RDM1: variants seen among roughly 807,000 people sequenced by gnomAD.
RDM1 encodes the protein RAD52 motif containing 1.
RDM1 carries 28 observed loss-of-function variants against 27.7 expected under a neutral mutation model. The ratio of observed to expected loss-of-function variants is 1.01; its 90% CI spans 0.75 to 1.39. The LOEUF (loss-of-function observed/expected upper bound fraction) is 1.39. Among genes scored for constraint, RDM1 ranks in the 40% most tolerant of loss-of-function variants. The pLI is 0.00. For missense variants in RDM1, 277 were observed against 337.3 expected (o/e 0.82, Z 1.40); for synonymous variants, 124 against 127.5 (o/e 0.97, Z 0.19).
At chr17:35,921,284 A>G (rs1382382339) in intron 5 of RDM1, among the ~76,000 whole-genome samples, 1 of 152,250 alleles carries the variant, frequency 6.6e-6, no homozygotes, top group African/African-American at 2.4e-5. Context: ...TGACCAAGGA[A>G]GTAAGACTTT....
rs967440795 is a variant in RDM1 at position 35,928,750 on chromosome 17, G to A, written c.276+1326C>T. 9.3e-4 allele frequency among the ~76,000 whole-genome samples: 135 copies of A among 145,462 alleles called. 1 individual carries two copies. Among genetic ancestry groups the A allele is most frequent in the African/African-American group, 2.7e-3 (106 of 39,166 alleles). ...GCACTCCAGCCTGGGCAACAAGAGCGAAACTCTGTCTTTAAAAAAAAAAAA... is the reference window on the plus strand; with the variant it reads ...GCACTCCAGCCTGGGCAACAAGAGCAAAACTCTGTCTTTAAAAAAAAAAAA... On this transcript the variant is annotated intron_variant, in intron 2 of 6. Coordinates refer to ENST00000620284, the MANE Select transcript of RDM1 (RefSeq NM_145654.4).
intron 2 of RDM1, among the ~76,000 whole-genome samples, chr17:35,929,863 C>T (rs375222392): frequency 3.3e-5 from 5 of 152,166 alleles, no homozygotes; most frequent in African/African-American, 1.2e-4. Context: ...AGTTCAATCT[C>T]GAGTTTCCAT....
intron 3 of RDM1, among the ~76,000 whole-genome samples, 171 bp downstream of exon 3, chr17:35,925,344 G>A (rs548895614): frequency 6.6e-6 from 1 of 152,280 alleles, no homozygotes; most frequent in African/African-American, 2.4e-5. Context: ...CCAATTGACT[G>A]AGATTATTAA....
At position 35,925,616 on chromosome 17, in the gene RDM1, T is replaced by G. The variant is rs1284147772; in HGVS notation, c.298A>C (p.Lys100Gln). Residue 100 changes from lysine to glutamine, a missense_variant, in exon 3 of 7, where the codon AAG (lysine) becomes CAG (glutamine). Coordinates refer to ENST00000620284, the MANE Select transcript of RDM1 (RefSeq NM_145654.4). ...GCAAGGGCTTGATGTTGAACTGCCTTATGTCTGGTGCCAAGACGAACCTAA... is the reference window on the plus strand; with the variant it reads ...GCAAGGGCTTGATGTTGAACTGCCTGATGTCTGGTGCCAAGACGAACCTAA... ...PVKVRLGTRH[K>Q]AVQHQALALN... 6.2e-7 allele frequency: 1 copy of G among 1,613,568 alleles called. No homozygotes were observed. The highest frequency in any genetic ancestry group is 1.3e-5 in the African/African-American group (1 of 75,058).
In RDM1 at chr17:35,930,741, C is replaced by T. The variant is rs200538664; in HGVS notation, c.-14G>A. The T allele has an allele frequency of 1.2e-6, 2 of 1,611,858 alleles. No homozygotes were observed. The highest frequency in any genetic ancestry group is 8.5e-7 in the Non-Finnish European group (1 of 1,179,060). ...CAACTCCGCCATCCTCCCTTCACCG[C>T]ACCTGCGCGGCTAACCCTCGCCCCA... is the stretch of plus-strand genomic sequence containing the variant. On this transcript the variant is annotated 5_prime_UTR_variant, in exon 1 of 7. Transcript: ENST00000620284.
intron 2 of RDM1, among the ~76,000 whole-genome samples, chr17:35,926,418 T>C (rs2089150829): frequency 6.6e-6 from 1 of 152,186 alleles, no homozygotes; most frequent in African/African-American, 2.4e-5. Flanking sequence ...CTTTTTTTTT[T>C]TCTGAGACGG....
chr17:35,920,006 T>C (rs1246762390), intron 6 of RDM1, among the ~76,000 whole-genome samples, 181 bp downstream of exon 6: 3 of 152,160 alleles, frequency 2.0e-5, no homozygotes, highest in African/African-American at 7.2e-5. Flanking sequence ...AAACTTCAAA[T>C]AAGCGGTCAG....
chr17:35,926,967 G>A (rs1227726427), intron 2 of RDM1, among the ~76,000 whole-genome samples: 1 of 151,970 alleles, frequency 6.6e-6, no homozygotes, highest in Non-Finnish European at 1.5e-5. Flanking sequence ...TAAACGTTGA[G>A]TGCCACTGGC....
chr17:35,927,362 C>T (rs1341720140), intron 2 of RDM1, among the ~76,000 whole-genome samples: 6 of 152,022 alleles, frequency 3.9e-5, no homozygotes, highest in Admixed American at 2.0e-4. Flanking sequence ...ATCAATTAAA[C>T]CCGGGAGGCA....
In RDM1 at chr17:35,918,146, C is replaced by T; in HGVS notation, c.*196G>A. 1.7e-6 allele frequency: 1 copy of T among 596,544 alleles called. No individual in the cohort carries two copies. The highest frequency in any genetic ancestry group is 3.0e-6 in the Non-Finnish European group (1 of 334,052). 37.0% of individuals were successfully genotyped at this position (596,544 alleles called of 1,614,324 possible). The stretch of plus-strand genomic sequence containing the variant: ...TCCTCGTCACCAGGGCGATCTTATC[C>T]CACAATCCTACCCAAGCCTCCCTTC... On this transcript the variant is annotated 3_prime_UTR_variant, in exon 7 of 7. Coordinates refer to ENST00000620284, the MANE Select transcript of RDM1 (RefSeq NM_145654.4).
rs748971406 is a variant in RDM1, at chr17:35,924,619, C to CCATAG, written c.548_552dup (p.Asp185LeufsTer14). 1.2e-5 allele frequency: 20 copies of CCATAG among 1,613,708 alleles called. No individual in the cohort carries two copies. In the African/African-American group the frequency reaches 2.1e-4, roughly 17 times the overall value. ...GAAAACAGACCTTCCTCCACCTTAT[C>CCATAG]CATAGGCTCCTCCACCAAGCCAATG... On this transcript the variant is annotated frameshift_variant, in exon 4 of 7. Transcript: ENST00000620284. LOFTEE classifies it high-confidence loss of function.
rs1439492568 is a variant in RDM1 at position 35,924,594 on chromosome 17, GAA to G, written c.568+8_568+9del. The stretch of plus-strand genomic sequence containing the variant: ...ATCCCTACCCTCCTCCACTCCCAGT[GAA>G]AACAGACCTTCCTCCACCTTATCCA... On this transcript the variant is annotated splice_region_variant and intron_variant, in intron 4 of 6. Coordinates refer to ENST00000620284, the MANE Select transcript of RDM1 (RefSeq NM_145654.4). The G allele has an allele frequency of 3.7e-6, 6 of 1,605,816 alleles. No individual in the cohort carries two copies. The highest frequency in any genetic ancestry group is 5.1e-6 in the Non-Finnish European group (6 of 1,174,152).
chr17:35,922,719 T>C, intron 4 of RDM1, 44 bp from the exon 5 acceptor site: 1 of 1,436,316 alleles, frequency 7.0e-7, no homozygotes, highest in East Asian at 2.3e-5. Context: ...CCTATTTGAA[T>C]GATAATTGCT....
chr17:35,924,127 A>C (rs2089049746), intron 4 of RDM1, among the ~76,000 whole-genome samples: 1 of 152,082 alleles, frequency 6.6e-6, no homozygotes, highest in African/African-American at 2.4e-5. Context: ...AGGCTGAGGC[A>C]GGAGGATCCC....
rs893886868 is a variant in RDM1 at position 35,918,431 on chromosome 17, G to C, written c.766C>G (p.Pro256Ala). The C allele has an allele frequency of 8.7e-6, 14 of 1,613,964 alleles. No individual in the cohort carries two copies. Among genetic ancestry groups the C allele is most frequent in the Non-Finnish European group, 1.2e-5 (14 of 1,179,974 alleles). Residue 256 changes from proline to alanine, a missense_variant, in exon 7 of 7, where the codon CCC becomes GCC. Physicochemically the swap from Pro to Ala is conservative, Grantham distance 27 (BLOSUM62 -1). Transcript: ENST00000620284. ...TCCTCTTGGCCATACTGCTTCCAGG[G>C]AGAGCAAGGGACCTGCAAAATGTGC... The part of the protein sequence containing the change: ...LHGLIQVPCS[P>A]WKQYGQEEEG...
In RDM1 at chr17:35,924,666, G is replaced by C; in HGVS notation, c.506C>G (p.Ser169Cys). 1 of 1,614,090 alleles carries C rather than the reference G, an allele frequency of 6.2e-7. No homozygotes were observed. Among genetic ancestry groups the C allele is most frequent in the Non-Finnish European group, 8.5e-7 (1 of 1,179,992 alleles). ...FFCALEVVLP[S>C]CDCRSPGIGL... ...AATGCCAGGACTCCTGCAATCACAG[G>C]ATGGCAACACCACTTCTAAAGCACA... Residue 169 changes from serine to cysteine, a missense_variant, in exon 4 of 7, where the codon TCC (serine) becomes TGC (cysteine). By Grantham distance (112) the Ser-to-Cys change is moderately radical. Coordinates refer to ENST00000620284, the MANE Select transcript of RDM1 (RefSeq NM_145654.4).
chr17:35,930,183 C>T lies in RDM1; in HGVS notation c.169G>A (p.Ala57Thr). 6.2e-7 allele frequency: 1 copy of T among 1,614,124 alleles called. No individual in the cohort carries two copies. Among genetic ancestry groups the T allele is most frequent in the Non-Finnish European group, 8.5e-7 (1 of 1,180,022 alleles). Residue 57 changes from alanine to threonine, a missense_variant, in exon 2 of 7, where the codon GCC becomes ACC. Physicochemically the swap from Ala to Thr is moderately conservative, Grantham distance 58 (BLOSUM62 0). Transcript: ENST00000620284. ...ATGACGGCATAGAAACCAGGATGGG[C>T]CACTGCAGCATTTGGGAAGACCCGG... ...SVRVFPNAAV[A>T]HPGFYAVIKF...
At chr17:35,923,689 A>C (rs2089034093) in intron 4 of RDM1, among the ~76,000 whole-genome samples, 2 of 152,146 alleles carry the variant, frequency 1.3e-5, no homozygotes, top group African/African-American at 4.8e-5. Context: ...TGGTACAGAT[A>C]ATCTGGCTCC....
rs948789510 is a variant in RDM1, at chr17:35,923,612, G to T, written c.569-937C>A. ...TGGGAGATGGAGGTTGCTGTGAGCC[G>T]AGATCACGCCAGTGCACTTCAGCCT... On this transcript the variant is annotated intron_variant, in intron 4 of 6. Coordinates refer to ENST00000620284, the MANE Select transcript of RDM1 (RefSeq NM_145654.4). Among the ~76,000 whole-genome samples the T allele has an allele frequency of 3.9e-5, 6 of 151,974 alleles. No homozygotes were observed. In the East Asian group the frequency reaches 5.8e-4, roughly 15 times the overall value.
Sources: gnomAD v4.1 joint callset for allele counts (sites outside exome capture counted in the v4.1 genomes callset) on GRCh38, gnomAD v4.1.1 for gene constraint, MANE v1.5 for transcripts, NCBI Gene and HGNC (gene_info 2026-07-23, HGNC 2026-07-21) for gene names.